Variants in KIF24 observed in about 807,000 individuals in gnomAD.
KIF24 encodes the protein kinesin family member 24.
KIF24 carries 81 observed loss-of-function variants against 118.9 expected under a neutral mutation model. The ratio of observed to expected loss-of-function variants is 0.68; its 90% confidence interval spans 0.57 to 0.82. KIF24 has a LOEUF of 0.82. Ranked by LOEUF, KIF24 falls within the 40% of genes least tolerant of loss-of-function variation. The probability of loss-of-function intolerance (pLI) is 0.00; values close to 1 mark genes in which losing one functional copy is unlikely to be tolerated. For missense variants in KIF24, 1,560 were observed against 1,661.6 expected, an observed-to-expected ratio of 0.94 and a Z score of 1.06; for synonymous variants, 599 against 610.0, an observed-to-expected ratio of 0.98 and a Z score of 0.27.
At chr9:34,295,410 C>T (rs1022733361) in intron 4 of KIF24, among the ~76,000 whole-genome samples, 3 of 152,152 alleles carry the variant, frequency 2.0e-5, no homozygotes, top group African/African-American at 7.2e-5. Flanking sequence ...GGCATGGTGG[C>T]TCACACCTAT....
At chr9:34,293,571 G>A (rs190055364) in intron 4 of KIF24, among the ~76,000 whole-genome samples, 2 of 151,610 alleles carry the variant, frequency 1.3e-5, no homozygotes, top group East Asian at 1.9e-4. Flanking sequence ...TCAGGAGATC[G>A]AGACCATCCT....
Position 34,254,396 on chromosome 9 carries a change from C to A in KIF24, c.4091G>T (p.Gly1364Val). Residue 1364 changes from glycine (G) to valine (V), a missense_variant, in exon 13 of 13, where the codon GGA (glycine) becomes GTA (valine). Gly to Val is a moderately radical substitution (Grantham distance 109). Coordinates refer to ENST00000402558, the MANE Select transcript of KIF24 (RefSeq NM_194313.4). ...TCHGPTAAPE[G>V]TVPS ...GGTCTGGCTCTAAGACGGCACTGTT[C>A]CCTCAGGGGCTGCGGTGGGCCCGTG... 6.2e-7 allele frequency: 1 copy of A among 1,613,304 alleles called. No individual in the cohort carries two copies. Among genetic ancestry groups the A allele is most frequent in the Non-Finnish European group, 8.5e-7 (1 of 1,179,786 alleles).
upstream of KIF24, among the ~76,000 whole-genome samples, chr9:34,331,390 C>G (rs992005588): frequency 6.6e-6 from 1 of 152,354 alleles, no homozygotes; most frequent in South Asian, 2.1e-4. Context: ...GTGTTAACTT[C>G]ATTTTACAAA....
At chr9:34,308,295 T>C (rs1359343903) in intron 2 of KIF24, among the ~76,000 whole-genome samples, 1 of 151,762 alleles carries the variant, frequency 6.6e-6, no homozygotes, top group Admixed American at 6.6e-5. Context: ...TGCTTTTTTT[T>C]TTTTTTGAGA....
chr9:34,255,305 A>T, intron 11 of KIF24, 140 bp from the exon 12 acceptor site: 1 of 618,654 alleles, frequency 1.6e-6, no homozygotes, highest in Non-Finnish European at 2.9e-6. Flanking sequence ...CCAGCTTACC[A>T]ACCAGCTCCC....
intron 6 of KIF24, 22 bp downstream of exon 6, chr9:34,286,595 T>C: frequency 6.5e-7 from 1 of 1,541,756 alleles, no homozygotes; most frequent in Non-Finnish European, 9.0e-7. Context: ...GGTGGGGTAA[T>C]AAAGAAGGAA....
chr9:34,328,231 T>G (rs1354291899), intron 1 of KIF24, among the ~76,000 whole-genome samples: 2 of 152,154 alleles, frequency 1.3e-5, no homozygotes, highest in African/African-American at 4.8e-5. Context: ...CTACAAAGCC[T>G]CTCTACTTGT....
intron 6 of KIF24, among the ~76,000 whole-genome samples, chr9:34,281,399 AGAGT>A (rs751977345): frequency 3.3e-5 from 5 of 152,210 alleles, no homozygotes; most frequent in Non-Finnish European, 7.3e-5. Context: ...AAAAGGCTTC[AGAGT>A]GAGATCAATC....
chr9:34,267,727 A>G (rs750673027), intron 8 of KIF24, among the ~76,000 whole-genome samples: 2 of 152,210 alleles, frequency 1.3e-5, no homozygotes, highest in African/African-American at 2.4e-5. Flanking sequence ...TCCAGTGTGT[A>G]TTTTACACTT....
Position 34,318,526 on chromosome 9 carries a change from C to CA in KIF24, c.-25-7156dup. On this transcript the variant is annotated intron_variant, in intron 1 of 12. Transcript: ENST00000402558. The surrounding 1 kb of genome is among the most constrained non-coding windows in gnomAD (Gnocchi z 4.9). ...CAGAGAAGCTGAGCCCCAAGGCAGC[C>CA]ACGCTGGCCGAACACAGCGCCGGCC... 1 of 968,784 alleles carries CA rather than the reference C, an allele frequency of 1.0e-6. No homozygotes were observed. The highest frequency in any genetic ancestry group is 1.4e-5 in the South Asian group (1 of 74,034). 60.0% of individuals were successfully genotyped at this position (968,784 alleles called of 1,614,324 possible).
chr9:34,269,090 TGA>T (rs796261951), intron 8 of KIF24, among the ~76,000 whole-genome samples, 165 bp downstream of exon 8: 13 of 152,342 alleles, frequency 8.5e-5, no homozygotes, highest in African/African-American at 3.1e-4. Context: ...CCTAGAATTG[TGA>T]GAGTCTGTCT....
At position 34,252,411 on chromosome 9, in the gene KIF24, G is replaced by C. The variant is rs1031746433; in HGVS notation, c.*1969C>G. The C allele has an allele frequency of 1.3e-5, 2 of 152,568 alleles. No individual in the cohort carries two copies. Among genetic ancestry groups the C allele is most frequent in the Non-Finnish European group, 2.9e-5 (2 of 68,046 alleles). 9.5% of individuals were successfully genotyped at this position (152,568 alleles called of 1,614,324 possible). On this transcript the variant is annotated 3_prime_UTR_variant, in exon 13 of 13. Transcript: ENST00000402558. ...TCTCTGGTTTGTTTTGTATTATGTT[G>C]TACATCATTAAAGATCTAAATACAA...
chr9:34,288,710 C>T (rs1836142037), intron 5 of KIF24, among the ~76,000 whole-genome samples: 1 of 151,880 alleles, frequency 6.6e-6, no homozygotes, highest in African/African-American at 2.4e-5. Context: ...GCATCAAACC[C>T]AAGAGTTAAT....
intron 1 of KIF24, among the ~76,000 whole-genome samples, chr9:34,324,915 C>T (rs1587979198): frequency 6.6e-6 from 1 of 152,156 alleles, no homozygotes; most frequent in East Asian, 1.9e-4. Flanking sequence ...GATCAGATGT[C>T]CCTTCCGTGT....
rs749982624 is a variant in KIF24, at chr9:34,257,013, G to A, written c.2594C>T (p.Pro865Leu). ...FFLHQTWGQG[P>L]EKQVAERQQS... is the part of the protein sequence containing the mutation. ...CTGTCTTTCTGCCACCTGCTTCTCAGGACCCTGTCCCCACGTCTGGTGCAG... is the reference window on the plus strand; with the variant it reads ...CTGTCTTTCTGCCACCTGCTTCTCAAGACCCTGTCCCCACGTCTGGTGCAG... Residue 865 changes from proline to leucine, a missense_variant, in exon 11 of 13, where the codon CCT (proline) becomes CTT (leucine). Pro to Leu is a moderately conservative substitution (Grantham distance 98). This residue lies in a region of KIF24 where 591 missense variants were observed against 655.6 expected (regional missense o/e 0.90). Transcript: ENST00000402558. 1.6e-5 allele frequency: 26 copies of A among 1,613,888 alleles called. No homozygotes were observed. Among genetic ancestry groups the A allele is most frequent in the Admixed American group, 3.3e-5 (2 of 60,002 alleles).
At chr9:34,299,951 C>T (rs1199698309) in intron 3 of KIF24, among the ~76,000 whole-genome samples, 1 of 151,864 alleles carries the variant, frequency 6.6e-6, no homozygotes, top group Non-Finnish European at 1.5e-5. Context: ...ACAGATAAGG[C>T]CTTATCTTCT....
At chr9:34,307,860 GAAAAAAAAAA>G (rs57149308) in intron 2 of KIF24, among the ~76,000 whole-genome samples, 3 of 113,988 alleles carry the variant, frequency 2.6e-5, no homozygotes, top group South Asian at 5.6e-4. Flanking sequence ...GACTCTGTCT[GAAAAAAAAAA>G]AAAAAAAAAG....
intron 1 of KIF24, among the ~76,000 whole-genome samples, chr9:34,328,166 TGATGAATA>T (rs1410851983): frequency 6.6e-6 from 1 of 152,168 alleles, no homozygotes; most frequent in African/African-American, 2.4e-5. Flanking sequence ...CATAGACACC[TGATGAATA>T]GATGGAGTTC....
rs1434401110 is a variant in KIF24 at position 34,253,266 on chromosome 9, A to C, written c.*1114T>G. On this transcript the variant is annotated 3_prime_UTR_variant, in exon 13 of 13. Transcript: ENST00000402558. ...TGAAGGAAATAAAGGCTCACATAGTAATGGGCGTTCGGGCCAAGGCCGTGA... is the reference window on the plus strand; with the variant it reads ...TGAAGGAAATAAAGGCTCACATAGTCATGGGCGTTCGGGCCAAGGCCGTGA... The C allele has an allele frequency of 6.6e-6, 1 of 152,262 alleles. No homozygotes were observed. The highest frequency in any genetic ancestry group is 2.4e-5 in the African/African-American group (1 of 41,470). 9.4% of individuals were successfully genotyped at this position (152,262 alleles called of 1,614,324 possible).
Sources: allele counts gnomAD v4.1 joint callset (sites outside exome capture counted in the v4.1 genomes callset), GRCh38; gene constraint gnomAD v4.1.1; regional missense constraint gnomAD v4.1.1; non-coding constraint Gnocchi (gnomAD v3.1); transcripts MANE v1.5; gene names NCBI Gene and HGNC (gene_info 2026-07-23, HGNC 2026-07-21).